The following C8orf34 variants were observed in gnomAD, a reference collection of about 807,000 sequenced individuals.
C8orf34 encodes the protein uncharacterized protein C8orf34.
Under a neutral mutation model 68.3 loss-of-function variants are expected in C8orf34, and 65 were observed. The observed-to-expected ratio is 0.95, with a 90% CI of 0.78 to 1.17. C8orf34 has a LOEUF of 1.17. Ranked by LOEUF, C8orf34 falls within the 50% of genes most tolerant of loss-of-function variation. The probability of loss-of-function intolerance (pLI) is 0.00; values close to 1 mark genes in which losing one functional copy is unlikely to be tolerated. For missense variants in C8orf34, 664 were observed against 655.4 expected, an observed-to-expected ratio of 1.01 and a Z score of -0.14; for synonymous variants, 244 against 241.2, an observed-to-expected ratio of 1.01 and a Z score of -0.11.
intron 9 of C8orf34, among the ~76,000 whole-genome samples, chr8:68,720,839 G>A (rs1018533594): frequency 4.0e-5 from 6 of 151,496 alleles, no homozygotes; most frequent in Admixed American, 3.9e-4. Context: ...ATTCAATTCA[G>A]GCTAATTGCA....
At chr8:68,713,659 A>G (rs751393493) in intron 9 of C8orf34, among the ~76,000 whole-genome samples, 5 of 152,176 alleles carry the variant, frequency 3.3e-5, no homozygotes, top group Non-Finnish European at 4.4e-5. Flanking sequence ...TGAAATAGTA[A>G]TAAAAAAAAT....
chr8:68,406,402 C>G (rs1809195353), intron 1 of C8orf34, among the ~76,000 whole-genome samples: 1 of 152,060 alleles, frequency 6.6e-6, no homozygotes, highest in Non-Finnish European at 1.5e-5. Flanking sequence ...TGGGAGCCTC[C>G]TAAGAGTGTG....
intron 7 of C8orf34, among the ~76,000 whole-genome samples, chr8:68,630,171 T>C (rs1448261635): frequency 2.6e-5 from 4 of 151,960 alleles, no homozygotes; most frequent in African/African-American, 7.2e-5. Context: ...GAGTTACAAA[T>C]TGAAATATAA....
chr8:68,713,962 A>G (rs1433100927), intron 9 of C8orf34, among the ~76,000 whole-genome samples: 2 of 152,162 alleles, frequency 1.3e-5, no homozygotes, highest in Admixed American at 6.5e-5. Flanking sequence ...TGGGTTTCAT[A>G]TCAGGGATGC....
intron 10 of C8orf34, among the ~76,000 whole-genome samples, chr8:68,750,286 T>C (rs1822665388): frequency 6.6e-6 from 1 of 151,942 alleles, no homozygotes; most frequent in African/African-American, 2.4e-5. Context: ...AGAAATAGAG[T>C]TCTATTGCAT....
chr8:68,702,439 A>G (rs562518524), intron 8 of C8orf34, among the ~76,000 whole-genome samples: 2 of 152,166 alleles, frequency 1.3e-5, no homozygotes, highest in Non-Finnish European at 2.9e-5. Context: ...AATTTATCTT[A>G]CCTATCTGGA....
intron 10 of C8orf34, among the ~76,000 whole-genome samples, chr8:68,764,895 G>T (rs1823127122): frequency 6.6e-6 from 1 of 152,100 alleles, no homozygotes; most frequent in Admixed American, 6.5e-5. Context: ...TGTATATGAA[G>T]CCATTTGATA....
chr8:68,746,511 A>G (rs1409277091), intron 10 of C8orf34, among the ~76,000 whole-genome samples: 4 of 87,320 alleles, frequency 4.6e-5, no homozygotes, highest in South Asian at 4.6e-4. Context: ...AAAAAAAGAG[A>G]GAAGAATCAA....
intron 1 of C8orf34, among the ~76,000 whole-genome samples, chr8:68,421,615 G>A (rs1809975340): frequency 6.6e-6 from 1 of 152,178 alleles, no homozygotes; most frequent in Admixed American, 6.5e-5. Flanking sequence ...CTACACAATT[G>A]GGGAACTGGT....
At chr8:68,372,867 G>A (rs188964719) in intron 1 of C8orf34, among the ~76,000 whole-genome samples, 1 of 152,188 alleles carries the variant, frequency 6.6e-6, no homozygotes, top group African/African-American at 2.4e-5. Context: ...TTTTCTGAAT[G>A]TAACTTTAAC....
intron 7 of C8orf34, among the ~76,000 whole-genome samples, chr8:68,624,649 A>G (rs1057140812): frequency 3.3e-5 from 5 of 152,146 alleles, no homozygotes; most frequent in African/African-American, 1.2e-4. Flanking sequence ...TTCAATATAT[A>G]ACTAGTGTGC....
intron 1 of C8orf34, among the ~76,000 whole-genome samples, chr8:68,405,357 G>T (rs1194233767): frequency 6.6e-6 from 1 of 152,084 alleles, no homozygotes; most frequent in Non-Finnish European, 1.5e-5. Context: ...ACTCATCTAA[G>T]TCCTAAAATA....
chr8:68,621,560 A>G (rs1818390198), intron 7 of C8orf34, among the ~76,000 whole-genome samples: 1 of 152,202 alleles, frequency 6.6e-6, no homozygotes, highest in Non-Finnish European at 1.5e-5. Context: ...TATGTCATAA[A>G]TTTGGCCAAA....
chr8:68,653,916 A>G (rs992505270), intron 8 of C8orf34, among the ~76,000 whole-genome samples: 4 of 152,128 alleles, frequency 2.6e-5, no homozygotes, highest in Non-Finnish European at 5.9e-5. Flanking sequence ...AGAAATGACC[A>G]AAAAATACTC....
intron 4 of C8orf34, among the ~76,000 whole-genome samples, chr8:68,474,138 G>A (rs1164962743): frequency 1.3e-5 from 2 of 152,244 alleles, no homozygotes; most frequent in South Asian, 4.1e-4. Flanking sequence ...ACTCAAATGA[G>A]TGTATTTCCA....
chr8:68,749,290 T>G (rs2129527565), intron 10 of C8orf34, among the ~76,000 whole-genome samples: 2 of 151,986 alleles, frequency 1.3e-5, no homozygotes, highest in South Asian at 4.2e-4. Context: ...TAATGCGAGA[T>G]GACGAGTTAG....
At chr8:68,623,170 A>G (rs573554243) in intron 7 of C8orf34, among the ~76,000 whole-genome samples, 2 of 152,312 alleles carry the variant, frequency 1.3e-5, no homozygotes, top group South Asian at 4.1e-4. Flanking sequence ...CCTGGCCTAC[A>G]CAGTTGTTTG....
intron 7 of C8orf34, among the ~76,000 whole-genome samples, chr8:68,588,292 T>C (rs999065464): frequency 5.9e-5 from 9 of 152,268 alleles, no homozygotes; most frequent in African/African-American, 1.7e-4. Context: ...AAGATGAATA[T>C]ATTGCAGCAA....
intron 1 of C8orf34, among the ~76,000 whole-genome samples, chr8:68,368,454 T>G (rs1227243003): frequency 6.6e-6 from 1 of 151,696 alleles, no homozygotes; most frequent in Admixed American, 6.6e-5. Flanking sequence ...TTCTTTTCAC[T>G]CTCTACAGAT....
Sources: allele counts gnomAD v4.1 joint callset (sites outside exome capture counted in the v4.1 genomes callset), GRCh38; gene constraint gnomAD v4.1.1; transcripts MANE v1.5; gene names NCBI Gene and HGNC (gene_info 2026-07-23, HGNC 2026-07-21).